MSH3: variants seen among roughly 807,000 people sequenced by gnomAD.
MSH3 encodes mutS homolog 3, also known as DNA mismatch repair protein Msh3.
A neutral mutation model predicts 123.3 loss-of-function variants in MSH3; 106 were observed. The ratio of observed to expected loss-of-function variants is 0.86; its 90% CI spans 0.73 to 1.01. MSH3 has a LOEUF of 1.01. MSH3 is among the 50% of genes least tolerant of loss of function. The pLI is 0.00. For synonymous variants in MSH3, 515 were observed against 481.4 expected, an observed-to-expected ratio of 1.07 and a Z score of -0.91; for missense variants, 1,459 against 1,347.6, an observed-to-expected ratio of 1.08 and a Z score of -1.29.
chr5:80,848,507 A>G (rs940279122), intron 20 of MSH3, among the ~76,000 whole-genome samples: 2 of 152,214 alleles, frequency 1.3e-5, no homozygotes, highest in Non-Finnish European at 2.9e-5. Context: ...GCAATTTACA[A>G]AAGAAAGAAG....
chr5:80,691,767 AT>A (rs1750260013), intron 8 of MSH3, among the ~76,000 whole-genome samples: 1 of 112,734 alleles, frequency 8.9e-6, no homozygotes, highest in African/African-American at 3.4e-5. Flanking sequence ...ATATTTATAT[AT>A]GTACATATAT....
intron 20 of MSH3, among the ~76,000 whole-genome samples, chr5:80,821,779 G>A (rs1409212398): frequency 6.6e-6 from 1 of 152,240 alleles, no homozygotes; most frequent in Non-Finnish European, 1.5e-5. Flanking sequence ...TGTGCTTGCA[G>A]CAAACAACCT....
At chr5:80,869,561 A>G (rs1746167702) in intron 22 of MSH3, among the ~76,000 whole-genome samples, 1 of 152,020 alleles carries the variant, frequency 6.6e-6, no homozygotes, top group Non-Finnish European at 1.5e-5. Context: ...ATTATAGAAG[A>G]GTGGTTGCGT....
chr5:80,727,990 T>C (rs1743334284), intron 9 of MSH3, among the ~76,000 whole-genome samples: 1 of 152,106 alleles, frequency 6.6e-6, no homozygotes, highest in Non-Finnish European at 1.5e-5. Context: ...ATATCTTAAG[T>C]AGGAGAGTGC....
intron 11 of MSH3, among the ~76,000 whole-genome samples, chr5:80,743,351 C>T (rs1461613340): frequency 6.6e-6 from 1 of 152,134 alleles, no homozygotes; most frequent in African/African-American, 2.4e-5. Flanking sequence ...GTGCTCTCTC[C>T]ATTGAACTCC....
At chr5:80,828,024 T>TA (rs1318082825) in intron 20 of MSH3, among the ~76,000 whole-genome samples, 2 of 152,148 alleles carry the variant, frequency 1.3e-5, no homozygotes, top group African/African-American at 4.8e-5. Context: ...CCCACCAGAG[T>TA]ACTCCCTTTC....
chr5:80,746,256 G>T, intron 12 of MSH3: 1 of 240,234 alleles, frequency 4.2e-6, no homozygotes, highest in Non-Finnish European at 8.3e-6. Flanking sequence ...ACTGCTGTTT[G>T]TCTGATATTA....
intron 20 of MSH3, among the ~76,000 whole-genome samples, chr5:80,824,432 G>A (rs996012088): frequency 1.3e-5 from 2 of 150,836 alleles, no homozygotes; most frequent in Non-Finnish European, 3.0e-5. Context: ...GCGGCTGGCC[G>A]GGCGGGGGCT....
At chr5:80,702,776 C>T (rs1008157550) in intron 8 of MSH3, among the ~76,000 whole-genome samples, 2 of 151,816 alleles carry the variant, frequency 1.3e-5, no homozygotes, top group African/African-American at 4.8e-5. Flanking sequence ...CTTTGGGAGG[C>T]TGAGGAAGGT....
chr5:80,767,880 A>C, intron 13 of MSH3, 53 bp from the exon 14 acceptor site: 1 of 1,392,050 alleles, frequency 7.2e-7, no homozygotes. Flanking sequence ...CACTAATTAA[A>C]CTTCATTTTC....
chr5:80,749,150 A>G (rs1172510797), intron 12 of MSH3, among the ~76,000 whole-genome samples: 1 of 152,198 alleles, frequency 6.6e-6, no homozygotes, highest in African/African-American at 2.4e-5. Flanking sequence ...ATTGACTTAC[A>G]TGATCACAAG....
intron 2 of MSH3, among the ~76,000 whole-genome samples, chr5:80,657,524 G>A (rs987807930): frequency 6.6e-6 from 1 of 152,108 alleles, no homozygotes; most frequent in African/African-American, 2.4e-5. Context: ...ATTTCTAGAG[G>A]TGGTGTTGCA....
intron 10 of MSH3, among the ~76,000 whole-genome samples, chr5:80,738,563 C>T (rs1387149083): frequency 6.6e-6 from 1 of 152,118 alleles, no homozygotes. Context: ...TTATTATACC[C>T]TGTTCATATG....
intron 8 of MSH3, among the ~76,000 whole-genome samples, chr5:80,703,935 G>A (rs1303169928): frequency 6.6e-6 from 1 of 152,070 alleles, no homozygotes; most frequent in Non-Finnish European, 1.5e-5. Context: ...GGAAGCACGT[G>A]TCTGTGGTTT....
intron 22 of MSH3, among the ~76,000 whole-genome samples, chr5:80,865,173 C>G (rs1746078410): frequency 6.6e-6 from 1 of 152,140 alleles, no homozygotes; most frequent in Non-Finnish European, 1.5e-5. Flanking sequence ...GTCGTGGCAA[C>G]CCTTTTCTCT....
At chr5:80,850,700 A>G (rs1375848131) in intron 20 of MSH3, among the ~76,000 whole-genome samples, 1 of 152,224 alleles carries the variant, frequency 6.6e-6, no homozygotes, top group Non-Finnish European at 1.5e-5. Context: ...TGTGGGAATT[A>G]CGGGAGCTAC....
intron 8 of MSH3, among the ~76,000 whole-genome samples, chr5:80,691,041 G>T (rs1750233249): frequency 6.6e-6 from 1 of 151,792 alleles, no homozygotes; most frequent in Non-Finnish European, 1.5e-5. Flanking sequence ...GTTATTCATA[G>T]ATTATTTTAT....
In MSH3 at chr5:80,670,215, A is replaced by T. The variant is rs780448179; in HGVS notation, c.698A>T (p.Glu233Val). 1.2e-6 allele frequency: 2 copies of T among 1,614,076 alleles called. No homozygotes were observed. Among genetic ancestry groups the T allele is most frequent in the African/African-American group, 2.7e-5 (2 of 74,934 alleles). Residue 233 changes from glutamate to valine, a missense_variant, in exon 4 of 24, where the codon GAA becomes GTA. By Grantham distance (121) the Glu-to-Val change is moderately radical. Coordinates refer to ENST00000265081, the MANE Select transcript of MSH3 (RefSeq NM_002439.5). ...TCCAAAAGCATCTATACGCCGCTAG[A>T]ATTACAATACATAGAAATGAAGCAG... The part of the protein sequence containing the change: ...KRSKSIYTPL[E>V]LQYIEMKQQH...
rs1283888431 is a variant in MSH3, at chr5:80,654,919, A to T, written c.192A>T (p.Pro64=). The change falls in exon 1 of 24, where the codon CCA becomes CCT. Residue 64 remains proline, a synonymous_variant. Transcript: ENST00000265081. ...AAAAAAAAAP[P]APPAPAFPPQ... ...CGGCCGCAGCGGCCGCAGCGCCCCCAGCGCCCCCAGCTCCCGCCTTCCCGC... is the reference window on the plus strand; with the variant it reads ...CGGCCGCAGCGGCCGCAGCGCCCCCTGCGCCCCCAGCTCCCGCCTTCCCGC... 1.3e-6 allele frequency: 2 copies of T among 1,513,620 alleles called. No homozygotes were observed. Among genetic ancestry groups the T allele is most frequent in the South Asian group, 1.2e-5 (1 of 82,626 alleles). 93.8% of individuals were successfully genotyped at this position (1,513,620 alleles called of 1,614,324 possible). A position where few individuals can be genotyped will look rare whatever the true frequency, so the allele number is the denominator to read the frequency against.
Sources: allele counts gnomAD v4.1 joint callset (sites outside exome capture counted in the v4.1 genomes callset), GRCh38; gene constraint gnomAD v4.1.1; transcripts MANE v1.5; gene names NCBI Gene and HGNC (gene_info 2026-07-23, HGNC 2026-07-21).